Variants in SLC46A1 observed in about 807,000 individuals in gnomAD.
SLC46A1 encodes the protein proton-coupled folate transporter.
SLC46A1 carries 17 observed loss-of-function variants against 32.1 expected under a neutral mutation model. That is an observed-to-expected ratio of 0.53 (90% CI 0.36 to 0.79). The LOEUF (loss-of-function observed/expected upper bound fraction) is 0.79, where lower values mean the gene tolerates loss of function less well. SLC46A1 is among the 30% of genes least tolerant of loss of function. The pLI is 0.00. For missense variants in SLC46A1, 517 were observed against 588.2 expected, an observed-to-expected ratio of 0.88 and a Z score of 1.25; for synonymous variants, 240 against 262.7, an observed-to-expected ratio of 0.91 and a Z score of 0.84.
rs781943932 is a variant in SLC46A1 at position 28,405,164 on chromosome 17, G to C, written c.533C>G (p.Thr178Ser). 2 of 1,610,672 alleles carry C rather than the reference G, an allele frequency of 1.2e-6. No homozygotes were observed. The highest frequency in any genetic ancestry group is 8.5e-7 in the Non-Finnish European group (1 of 1,178,414). Residue 178 changes from threonine to serine, a missense_variant, in exon 2 of 5, where the codon ACC (threonine) becomes AGC (serine). Physicochemically the swap from Thr to Ser is moderately conservative, Grantham distance 58. Coordinates refer to ENST00000612814, the MANE Select transcript of SLC46A1 (RefSeq NM_080669.6). Reference sequence around the variant, plus strand: ...GGCTTCCAGCAGGGCCATCCGGAAGGTGCGGCTGCGACTGGAGCTGACATC... The same window carrying C: ...GGCTTCCAGCAGGGCCATCCGGAAGCTGCGGCTGCGACTGGAGCTGACATC... ...VADVSSSRSRTFRMALLEASI... is the reference protein window; with the variant it reads ...VADVSSSRSRSFRMALLEASI...
In SLC46A1 at chr17:28,399,591, G is replaced by T; in HGVS notation, c.*65C>A. 6.4e-7 allele frequency: 1 copy of T among 1,552,496 alleles called. No individual in the cohort carries two copies. Among genetic ancestry groups the T allele is most frequent in the Non-Finnish European group, 8.9e-7 (1 of 1,125,374 alleles). ...CCTGCTGTGGGCTGGGCTTCCAGCT[G>T]CAGACCTCCAGTTGCTTGGTGTTCA... On this transcript the variant is annotated 3_prime_UTR_variant, in exon 5 of 5. Transcript: ENST00000612814.
rs145537060 is a variant in SLC46A1 at position 28,396,330 on chromosome 17, C to T, written c.*3326G>A. On this transcript the variant is annotated 3_prime_UTR_variant, in exon 5 of 5. Coordinates refer to ENST00000612814, the MANE Select transcript of SLC46A1 (RefSeq NM_080669.6). ...GCCCTGCTGTGACTTCCATTTCCAT[C>T]GTCCTTTCTGAAGGAACAGCTCCTG... 2.1e-5 allele frequency: 34 copies of T among 1,609,258 alleles called. No homozygotes were observed. The East Asian group carries it at 4.9e-4, about 23-fold the overall frequency.
chr17:28,404,975 CG>C lies in SLC46A1; in HGVS notation c.721del (p.Arg241GlyfsTer27), dbSNP rs782820497. On this transcript the variant is annotated frameshift_variant, in exon 2 of 5. Transcript: ENST00000612814. LOFTEE classifies it high-confidence loss of function. ...TCGGTGGTGACGGAACGTGAAGAGC[CG>C]GGTGGACTTTGGCTCCTTTAAGGTC... ...GETLKEPKSTRLFTFRHHRSI... is the reference protein window; with the variant it reads ...GETLKEPKSTXLFTFRHHRSI... The C allele has an allele frequency of 1.2e-6, 2 of 1,613,854 alleles. No homozygotes were observed. The highest frequency in any genetic ancestry group is 2.7e-5 in the African/African-American group (2 of 74,894).
In SLC46A1 at chr17:28,405,662, T is replaced by TC. The variant is rs1335620298; in HGVS notation, c.229-195dup. 6.3e-4 allele frequency: 613 copies of TC among 968,248 alleles called. 1 individual carries two copies. The highest frequency in any genetic ancestry group is 2.2e-3 in the Admixed American group (79 of 36,140). 60.0% of individuals were successfully genotyped at this position (968,248 alleles called of 1,614,324 possible). A position where few individuals can be genotyped will look rare whatever the true frequency, so the allele number is the denominator to read the frequency against. On this transcript the variant is annotated intron_variant, in intron 1 of 4. Coordinates refer to ENST00000612814, the MANE Select transcript of SLC46A1 (RefSeq NM_080669.6). Reference sequence around the variant, plus strand: ...GACCAAGGCCCCATTCCCTTTCCTTTCCCCCCCCTTTTGTTAACCTGCAAG... The same window carrying TC: ...GACCAAGGCCCCATTCCCTTTCCTTTCCCCCCCCCTTTTGTTAACCTGCAAG...
chr17:28,404,852 A>G lies in SLC46A1; in HGVS notation c.845T>C (p.Phe282Ser). Residue 282 changes from phenylalanine to serine, a missense_variant, in exon 2 of 5, where the codon TTT becomes TCT. Physicochemically the swap from Phe to Ser is radical, Grantham distance 155 (BLOSUM62 -2). Transcript: ENST00000612814. Reference protein sequence around the residue: ...LAIFVVITVHFGAQDILTLYE... With the variant: ...LAIFVVITVHSGAQDILTLYE... ...AAGGGTTAAGATGTCCTGGGCCCCA[A>G]AGTGCACAGTGATCACCACGAAGAT... is the stretch of plus-strand genomic sequence containing the variant. The G allele has an allele frequency of 1.2e-6, 2 of 1,613,968 alleles. No individual in the cohort carries two copies. The highest frequency in any genetic ancestry group is 1.7e-6 in the Non-Finnish European group (2 of 1,179,890).
chr17:28,397,972 C>T lies in SLC46A1; in HGVS notation c.*1684G>A, dbSNP rs2068151277. On this transcript the variant is annotated 3_prime_UTR_variant, in exon 5 of 5. Coordinates refer to ENST00000612814, the MANE Select transcript of SLC46A1 (RefSeq NM_080669.6). ...TTTGGGGCTCCTTCCTTCCACTCCC[C>T]TCCCTGCCAGAGTCTGTCTTGGCCA... is the stretch of plus-strand genomic sequence containing the variant. 1 of 152,706 alleles carries T rather than the reference C, an allele frequency of 6.5e-6. No individual in the cohort carries two copies. The highest frequency in any genetic ancestry group is 6.5e-5 in the Admixed American group (1 of 15,292). 9.5% of individuals were successfully genotyped at this position (152,706 alleles called of 1,614,324 possible).
At chr17:28,402,526 G>T in intron 2 of SLC46A1, 1 of 502,850 alleles carries the variant, frequency 2.0e-6, no homozygotes, top group Non-Finnish European at 3.6e-6. Flanking sequence ...TAGCTCTCAT[G>T]AATGAATGCT....
At position 28,396,588 on chromosome 17, in the gene SLC46A1, G is replaced by T; in HGVS notation, c.*3068C>A. 2.5e-6 allele frequency: 1 copy of T among 403,722 alleles called. No individual in the cohort carries two copies. The highest frequency in any genetic ancestry group is 4.5e-6 in the Non-Finnish European group (1 of 220,976). 25.0% of individuals were successfully genotyped at this position (403,722 alleles called of 1,614,324 possible). On this transcript the variant is annotated 3_prime_UTR_variant, in exon 5 of 5. Transcript: ENST00000612814. ...TCAGTTCTGGAGACACTGGAGTTGG[G>T]GTGGGGGTGGTTCTGCATTCCCTTC...
rs782488132 is a variant in SLC46A1, at chr17:28,405,053, G to A, written c.644C>T (p.Ala215Val). ...AGTCATGGCTATCAGCAAGGCCAAG[G>A]CCAGCCAGAAGGGGTTGGCATAACC... is the stretch of plus-strand genomic sequence containing the variant. ...AQGYANPFWL[A>V]LALLIAMTLY... The change falls in exon 2 of 5, where the codon GCC (alanine) becomes GTC (valine). Residue 215 changes from alanine to valine, a missense_variant. By Grantham distance (64) the Ala-to-Val change is moderately conservative. Coordinates refer to ENST00000612814, the MANE Select transcript of SLC46A1 (RefSeq NM_080669.6). 1 of 1,614,044 alleles carries A rather than the reference G, an allele frequency of 6.2e-7. No homozygotes were observed. The highest frequency in any genetic ancestry group is 8.5e-7 in the Non-Finnish European group (1 of 1,179,898).
chr17:28,401,017 C>G lies in SLC46A1; in HGVS notation c.1166-251G>C, dbSNP rs2068191359. 3.2e-5 allele frequency: 15 copies of G among 472,442 alleles called. No individual in the cohort carries two copies. The South Asian group carries it at 3.4e-4, about 11-fold the overall frequency. The allele number at this position is 472,442 out of a possible 1,614,324, so 29.3% of individuals were successfully genotyped here. ...CACATTAAAAGTACATGTGATCTGA[C>G]AGAACCCAGCACATAAAAGAAAAAA... On this transcript the variant is annotated intron_variant, in intron 3 of 4. Transcript: ENST00000612814.
intron 3 of SLC46A1, chr17:28,401,751 C>T (rs1427694082): frequency 6.6e-6 from 1 of 152,456 alleles, no homozygotes; most frequent in Admixed American, 6.5e-5. Context: ...CTTTTAAACA[C>T]AGACGTAGGT....
chr17:28,406,237 T>A, upstream of SLC46A1: 4 of 731,202 alleles, frequency 5.5e-6, no homozygotes, highest in African/African-American at 1.9e-5. The surrounding 1 kb of genome is among the most constrained non-coding windows in gnomAD (Gnocchi z 4.5). Context: ...CGTCCCTCCT[T>A]AAATGTCCGG....
At chr17:28,403,384 C>T (rs2068219522) in intron 2 of SLC46A1, 1 of 152,456 alleles carries the variant, frequency 6.6e-6, no homozygotes, top group Non-Finnish European at 1.5e-5. Flanking sequence ...TTCTTCATAA[C>T]CATTTCTCTC....
intron 3 of SLC46A1, chr17:28,401,605 C>T (rs1485306319): frequency 2.0e-5 from 3 of 152,220 alleles, no homozygotes; most frequent in Admixed American, 6.5e-5. Context: ...TGCAACAACC[C>T]AACAGAAGTT....
chr17:28,404,407 C>A, intron 2 of SLC46A1: 1 of 631,022 alleles, frequency 1.6e-6, no homozygotes, highest in Non-Finnish European at 2.8e-6. Flanking sequence ...GGGTTAATTA[C>A]TTTAGCTACT....
chr17:28,403,278 G>A (rs1172349598), intron 2 of SLC46A1: 2 of 152,180 alleles, frequency 1.3e-5, no homozygotes, highest in African/African-American at 2.4e-5. Context: ...CAATACATGA[G>A]GTAAAAAGGT....
chr17:28,404,607 A>G lies in SLC46A1; in HGVS notation c.1081+9T>C. 1.2e-6 allele frequency: 2 copies of G among 1,609,218 alleles called. No individual in the cohort carries two copies. The highest frequency in any genetic ancestry group is 1.7e-6 in the Non-Finnish European group (2 of 1,176,782). On this transcript the variant is annotated intron_variant, in intron 2 of 4. Coordinates refer to ENST00000612814, the MANE Select transcript of SLC46A1 (RefSeq NM_080669.6). ...TGGGACAAGCTGTCCCTGAGCCCAC[A>G]CACTTTACCTGTGAACATGAGAGGC...
At chr17:28,404,396 T>C (rs1211271720) in intron 2 of SLC46A1, 4 of 606,592 alleles carry the variant, frequency 6.6e-6, no homozygotes, top group Admixed American at 2.9e-5. Flanking sequence ...TTGATAACAG[T>C]GGGTTAATTA....
Position 28,394,733 on chromosome 17 carries a change from G to T in SLC46A1, c.*4923C>A, listed in dbSNP as rs1179310419. The T allele has an allele frequency of 1.3e-5, 2 of 152,218 alleles. No homozygotes were observed. Among genetic ancestry groups the T allele is most frequent in the East Asian group, 1.9e-4 (1 of 5,198 alleles). 9.4% of individuals were successfully genotyped at this position (152,218 alleles called of 1,614,324 possible). A position where few individuals can be genotyped will look rare whatever the true frequency, so the allele number is the denominator to read the frequency against. ...AGTATAGAGTTTCTTTGAGTGCAAA[G>T]TTTGAGAATAGCCACCCAGTAAGCA... On this transcript the variant is annotated 3_prime_UTR_variant, in exon 5 of 5. Transcript: ENST00000612814.
Sources: allele counts gnomAD v4.1 joint callset, GRCh38; gene constraint gnomAD v4.1.1; non-coding constraint Gnocchi (gnomAD v3.1); transcripts MANE v1.5; gene names NCBI Gene and HGNC (gene_info 2026-07-23, HGNC 2026-07-21).